BORA: variants seen among roughly 807,000 people sequenced by gnomAD.
BORA encodes the protein protein aurora borealis.
A neutral mutation model predicts 55.8 loss-of-function variants in BORA; 26 were observed. The observed-to-expected ratio is 0.47, with a 90% CI of 0.34 to 0.65. The LOEUF (loss-of-function observed/expected upper bound fraction) is 0.65, where lower values mean the gene tolerates loss of function less well. BORA is among the 30% of genes least tolerant of loss of function. The probability of loss-of-function intolerance (pLI) is 0.01; values close to 1 mark genes in which losing one functional copy is unlikely to be tolerated. For synonymous variants in BORA, 201 were observed against 216.9 expected (o/e 0.93, Z 0.64); for missense variants, 568 against 671.5 (o/e 0.85, Z 1.70).
chr13:72,755,124 A>T lies in BORA; in HGVS notation c.1615-27A>T, dbSNP rs780804651. On this transcript the variant is annotated intron_variant, in intron 11 of 11. Coordinates refer to ENST00000390667, the MANE Select transcript of BORA (RefSeq NM_024808.5). ...CTCCAGTGGTCCTACTTAAACTGAA[A>T]ACAAGGTATTGTCTTCTTTTTCACA... 18 of 1,604,634 alleles carry T rather than the reference A, an allele frequency of 1.1e-5. No homozygotes were observed. In the East Asian group the frequency reaches 3.8e-4, roughly 34 times the overall value.
chr13:72,747,272 ATTTAT>A (rs1180198988), intron 10 of BORA, among the ~76,000 whole-genome samples, 161 bp downstream of exon 10: 1 of 152,132 alleles, frequency 6.6e-6, no homozygotes, highest in Non-Finnish European at 1.5e-5. Context: ...AGAAGAGTAA[ATTTAT>A]TTTAATTATG....
rs1274838265 is a variant in BORA at position 72,729,024 on chromosome 13, T to C, written c.84T>C (p.Pro28=). The change falls in exon 2 of 12, where the codon CCT becomes CCC. Residue 28 remains proline (P), a synonymous_variant. Transcript: ENST00000390667. Reference sequence around the variant, plus strand: ...CTGTTTTAAATCCTTTTGAAAGTCCTAGTGATTATTCTAATCTCCATGAAC... The same window carrying C: ...CTGTTTTAAATCCTTTTGAAAGTCCCAGTGATTATTCTAATCTCCATGAAC... The part of the protein sequence containing the change: ...RIPVLNPFES[P]SDYSNLHEQT... The C allele has an allele frequency of 1.9e-6, 3 of 1,606,472 alleles. No individual in the cohort carries two copies. The highest frequency in any genetic ancestry group is 2.2e-5 in the East Asian group (1 of 44,452).
intron 8 of BORA, 24 bp downstream of exon 8, chr13:72,745,231 T>A: frequency 6.3e-7 from 1 of 1,577,620 alleles, no homozygotes; most frequent in South Asian, 1.1e-5. Context: ...TAAAAAGCAG[T>A]TGGCTAATAT....
Position 72,745,028 on chromosome 13 carries a change from C to A in BORA, c.559C>A (p.Leu187Ile), listed in dbSNP as rs186494455. Residue 187 changes from leucine (L) to isoleucine (I), a missense_variant, in exon 8 of 12, where the codon CTC becomes ATC. Leu to Ile is a conservative substitution (Grantham distance 5, BLOSUM62 2). Coordinates refer to ENST00000390667, the MANE Select transcript of BORA (RefSeq NM_024808.5). ...ATTTGCAGATCAATCTCCTGGAAAC[C>A]TCAGTTCTTCATCCCTCAGAAGAAA... ...DEFADQSPGNLSSSSLRRKLF... is the reference protein window; with the variant it reads ...DEFADQSPGNISSSSLRRKLF... The A allele has an allele frequency of 5.9e-4, 960 of 1,614,060 alleles. No homozygotes were observed. Among genetic ancestry groups the A allele is most frequent in the Non-Finnish European group, 7.4e-4 (876 of 1,179,956 alleles).
chr13:72,741,030 T>C (rs541958027), intron 5 of BORA, among the ~76,000 whole-genome samples: 217 of 152,320 alleles, frequency 1.4e-3, no homozygotes, highest in African/African-American at 4.9e-3. Context: ...TGGTTTTGTT[T>C]ATACATGTTA....
At chr13:72,739,234 G>C (rs2032989870) in intron 5 of BORA, among the ~76,000 whole-genome samples, 1 of 152,160 alleles carries the variant, frequency 6.6e-6, no homozygotes, top group South Asian at 2.1e-4. Flanking sequence ...TTCAACAGAT[G>C]AATCAACCTT....
intron 1 of BORA, among the ~76,000 whole-genome samples, 187 bp from the exon 2 acceptor site, chr13:72,728,739 G>A (rs2032742501): frequency 6.6e-6 from 1 of 152,138 alleles, no homozygotes; most frequent in Non-Finnish European, 1.5e-5. Flanking sequence ...TAGCTTTCAA[G>A]GTTGTTTCGA....
At chr13:72,749,509 T>C (rs201016750) in intron 10 of BORA, among the ~76,000 whole-genome samples, 1 of 300 alleles carries the variant, frequency 3.3e-3, no homozygotes, top group African/African-American at 3.4e-3. Flanking sequence ...TCTAAAAATC[T>C]TTTTTTTTTT....
chr13:72,744,624 T>G, intron 7 of BORA, 63 bp downstream of exon 7: 1 of 1,281,492 alleles, frequency 7.8e-7, no homozygotes, highest in South Asian at 1.3e-5. Flanking sequence ...TGGCTGGCTT[T>G]TTGTAAATGG....
intron 5 of BORA, among the ~76,000 whole-genome samples, chr13:72,738,867 T>C (rs2138061831): frequency 6.6e-6 from 1 of 152,272 alleles, no homozygotes; most frequent in African/African-American, 2.4e-5. Context: ...ATTTTATAGG[T>C]AAGAAAACCT....
intron 10 of BORA, among the ~76,000 whole-genome samples, chr13:72,750,772 C>A (rs1053640091): frequency 2.6e-5 from 4 of 152,062 alleles, no homozygotes; most frequent in Non-Finnish European, 5.9e-5. Flanking sequence ...TAATACCTTA[C>A]AGATATAATA....
rs1158766714 is a variant in BORA at position 72,746,558 on chromosome 13, G to A, written c.929G>A (p.Gly310Glu). The A allele has an allele frequency of 1.2e-6, 2 of 1,613,746 alleles. No individual in the cohort carries two copies. Among genetic ancestry groups the A allele is most frequent in the Non-Finnish European group, 1.7e-6 (2 of 1,179,876 alleles). The change falls in exon 10 of 12, where the codon GGG (glycine) becomes GAG (glutamate). Residue 310 changes from glycine to glutamate, a missense_variant. Physicochemically the swap from Gly to Glu is moderately conservative, Grantham distance 98. Coordinates refer to ENST00000390667, the MANE Select transcript of BORA (RefSeq NM_024808.5). ...PDASSGTNSNGITNPCIRSPY... is the reference protein window; with the variant it reads ...PDASSGTNSNEITNPCIRSPY... ...GCTTCATCTGGAACAAATTCTAATG[G>A]GATAACTAATCCGTGTATCAGAAGT...
Position 72,728,954 on chromosome 13 carries a change from A to G in BORA, c.14A>G (p.Lys5Arg), listed in dbSNP as rs764280357. The G allele has an allele frequency of 6.3e-7, 1 of 1,599,456 alleles. No homozygotes were observed. The highest frequency in any genetic ancestry group is 8.5e-7 in the Non-Finnish European group (1 of 1,175,812). The change falls in exon 2 of 12, where the codon AAG becomes AGG. Residue 5 changes from lysine (K) to arginine (R), a missense_variant. Transcript: ENST00000390667. ...TCTCTCTGTGCTATGGGAGATGTCA[A>G]GGAATCAAAGATGCAAATAACACCA... MGDV[K>R]ESKMQITPET...
At chr13:72,730,385 A>C (rs1033017703) in intron 2 of BORA, among the ~76,000 whole-genome samples, 3 of 152,212 alleles carry the variant, frequency 2.0e-5, no homozygotes, top group Admixed American at 2.0e-4. Flanking sequence ...CAAAGTTGGA[A>C]TGTATGGCAT....
In BORA at chr13:72,728,117, C is replaced by T. The variant is rs909468389; in HGVS notation, c.-16+110C>T. On this transcript the variant is annotated intron_variant, in intron 1 of 11. Coordinates refer to ENST00000390667, the MANE Select transcript of BORA (RefSeq NM_024808.5). ...CTCGCCCCTGGTGAATGGGAGCAGT[C>T]AGGGAGTAGGTGTGGAAGAGAGGGG... The T allele has an allele frequency of 5.6e-6, 8 of 1,439,046 alleles. No homozygotes were observed. In the African/African-American group the frequency reaches 1.1e-4, roughly 20 times the overall value. The allele number at this position is 1,439,046 out of a possible 1,614,324, so 89.1% of individuals were successfully genotyped here.
At chr13:72,746,224 ACAGTTTACC>A (rs2033138185) in intron 9 of BORA, 148 bp downstream of exon 9, 2 of 878,726 alleles carry the variant, frequency 2.3e-6, no homozygotes, top group African/African-American at 3.4e-5. Context: ...AAATAAAAGA[ACAGTTTACC>A]TTCAAAGGCT....
intron 10 of BORA, among the ~76,000 whole-genome samples, chr13:72,748,744 CTCTCTCTCTCTCTCTT>C (rs1459371630): frequency 3.8e-5 from 5 of 132,914 alleles, no homozygotes; most frequent in Admixed American, 8.6e-5. Flanking sequence ...CTCTCTCTCT[CTCTCTCTCTCTCTCTT>C]TTTTATATAG....
intron 4 of BORA, among the ~76,000 whole-genome samples, chr13:72,736,320 G>GA (rs1172829697): frequency 7.9e-5 from 12 of 151,704 alleles, no homozygotes; most frequent in Middle Eastern, 3.4e-3. Flanking sequence ...AAAACAAAAA[G>GA]AAAAAATATA....
At chr13:72,744,838 A>T in intron 7 of BORA, 143 bp from the exon 8 acceptor site, 1 of 702,874 alleles carries the variant, frequency 1.4e-6, no homozygotes, top group East Asian at 2.7e-5. Context: ...GATGTAAAAC[A>T]TCAAATATGC....
Sources: allele counts gnomAD v4.1 joint callset (sites outside exome capture counted in the v4.1 genomes callset), GRCh38; gene constraint gnomAD v4.1.1; transcripts MANE v1.5; gene names NCBI Gene and HGNC (gene_info 2026-07-23, HGNC 2026-07-21).